Variants in ENO4 observed in about 807,000 individuals in gnomAD.
The protein encoded by ENO4 is 2-phospho-D-glycerate hydro-lyase.
Under a neutral mutation model 63.2 loss-of-function variants are expected in ENO4, and 53 were observed. That is an observed-to-expected ratio of 0.84 (90% confidence interval 0.67 to 1.05). The LOEUF is 1.05. ENO4 is among the 50% of genes least tolerant of loss of function. The pLI, the probability that ENO4 is intolerant of heterozygous loss-of-function variation, is 0.00. For synonymous variants in ENO4, 266 were observed against 283.8 expected, an observed-to-expected ratio of 0.94 and a Z score of 0.63; for missense variants, 719 against 772.0, an observed-to-expected ratio of 0.93 and a Z score of 0.81.
chr10:116,888,956 T>C (rs920125006), intron 10 of ENO4, among the ~76,000 whole-genome samples: 18 of 152,238 alleles, frequency 1.2e-4, no homozygotes, highest in African/African-American at 4.1e-4. Flanking sequence ...AGTCTGCAGA[T>C]TGAGTCACCA....
Position 116,881,160 on chromosome 10 carries a change from T to C in ENO4, c.1724-355T>C, listed in dbSNP as rs1473393154. On this transcript the variant is annotated intron_variant, in intron 13 of 13. Coordinates refer to ENST00000341276, the MANE Select transcript of ENO4 (RefSeq NM_001242699.2). ...TGGAATGGTCCTCGCCTGCCATCAT[T>C]TCCCTGGGAGCAGTCAGCTGGCAGT... Among the ~76,000 whole-genome samples the C allele has an allele frequency of 5.3e-5, 8 of 152,214 alleles. No individual in the cohort carries two copies. In the South Asian group the frequency reaches 1.7e-3, roughly 32 times the overall value.
chr10:116,861,019 ACC>A (rs1365037778), intron 5 of ENO4, 38 bp from the exon 6 acceptor site: 2 of 1,538,452 alleles, frequency 1.3e-6, no homozygotes, highest in South Asian at 2.4e-5. Flanking sequence ...ATATGGATGA[ACC>A]CTGTTTCTCA....
intron 8 of ENO4, 96 bp downstream of exon 8, chr10:116,868,802 C>T (rs1846612846): frequency 7.1e-6 from 8 of 1,125,950 alleles, no homozygotes; most frequent in African/African-American, 3.1e-5. Context: ...GCTCCAAGAC[C>T]AGGACTGAGG....
chr10:116,876,406 G>A, intron 11 of ENO4, 146 bp downstream of exon 11: 1 of 726,674 alleles, frequency 1.4e-6, no homozygotes, highest in South Asian at 2.1e-5. Flanking sequence ...ATTTAGTGCT[G>A]GAACACAAAA....
intron 10 of ENO4, 132 bp downstream of exon 10, chr10:116,874,333 A>C (rs370803577): frequency 2.8e-5 from 25 of 906,612 alleles, no homozygotes; most frequent in Middle Eastern, 3.4e-4. Flanking sequence ...ATTCTTTTGG[A>C]TCGTTGTCAT....
Position 116,881,848 on chromosome 10 carries a change from T to C in ENO4, c.*179T>C. The C allele has an allele frequency of 6.2e-6, 3 of 481,322 alleles. No individual in the cohort carries two copies. The South Asian group carries it at 2.7e-4, about 43-fold the overall frequency. The allele number at this position is 481,322 out of a possible 1,614,324, so 29.8% of individuals were successfully genotyped here. On this transcript the variant is annotated 3_prime_UTR_variant, in exon 14 of 14. Coordinates refer to ENST00000341276, the MANE Select transcript of ENO4 (RefSeq NM_001242699.2). The stretch of plus-strand genomic sequence containing the variant: ...TATATGATGTTTTTGCCTGAAATTC[T>C]GTGAACTTCGTTTTGCAGCCACCAC...
chr10:116,861,906 AG>A (rs1325247538), intron 6 of ENO4, among the ~76,000 whole-genome samples: 3 of 152,196 alleles, frequency 2.0e-5, no homozygotes, highest in Non-Finnish European at 4.4e-5. Context: ...ACAGTTTATC[AG>A]TTGCAGAAGA....
At position 116,868,706 on chromosome 10, in the gene ENO4, AG is replaced by A. The variant is rs1353585227; in HGVS notation, c.1047+1del. The A allele has an allele frequency of 3.2e-6, 5 of 1,549,758 alleles. No homozygotes were observed. The highest frequency in any genetic ancestry group is 8.7e-7 in the Non-Finnish European group (1 of 1,146,340). On this transcript the variant is annotated splice_donor_variant, in intron 8 of 13. Coordinates refer to ENST00000341276, the MANE Select transcript of ENO4 (RefSeq NM_001242699.2). LOFTEE classifies it high-confidence loss of function. ...GGCACGATGGAAGCAAAAGAGGTCA[AG>A]TAAGTCTATATATTGTTTACCATCC...
intron 10 of ENO4, chr10:116,900,534 A>G: frequency 6.5e-7 from 1 of 1,533,032 alleles, no homozygotes; most frequent in Non-Finnish European, 8.7e-7. Flanking sequence ...TTTCTGATTC[A>G]GATTATCTGT....
chr10:116,863,121 G>A (rs566731801), intron 7 of ENO4, among the ~76,000 whole-genome samples: 1 of 152,364 alleles, frequency 6.6e-6, no homozygotes, highest in South Asian at 2.1e-4. Context: ...AAGAAAGGAT[G>A]TGGCCCCCAC....
At chr10:116,907,947 TA>T (rs1402025509) in intron 10 of ENO4, 1 of 514,844 alleles carries the variant, frequency 1.9e-6, no homozygotes, top group African/African-American at 1.9e-5. Flanking sequence ...TTCTACTGGC[TA>T]AAAATGGTTG....
At chr10:116,875,561 T>TCACACACACACACACACACACACACACA (rs56000218) in intron 10 of ENO4, among the ~76,000 whole-genome samples, 45 of 148,012 alleles carry the variant, frequency 3.0e-4, no homozygotes, top group African/African-American at 1.1e-3. Flanking sequence ...TCCAGGCTGG[T>TCACACACACACACACACACACACACACA]CACACACACA....
At chr10:116,885,146 A>T (rs1462224511), downstream of ENO4, 2 of 152,658 alleles carry the variant, frequency 1.3e-5, no homozygotes, top group Non-Finnish European at 1.5e-5. Flanking sequence ...CAACTACTGC[A>T]ATTATTACTA....
chr10:116,854,645 T>A (rs140330235), intron 1 of ENO4, among the ~76,000 whole-genome samples: 1 of 151,058 alleles, frequency 6.6e-6, no homozygotes, highest in Non-Finnish European at 1.5e-5. Flanking sequence ...TTGGTTTCTG[T>A]ATCTTGAAAC....
chr10:116,910,771 A>G (rs1419832), intron 10 of ENO4, among the ~76,000 whole-genome samples: 90,652 of 152,072 alleles, frequency 0.6, 29,991 homozygotes, highest in Non-Finnish European at 0.74. Flanking sequence ...CAAAGAATCT[A>G]TTAGATAATC....
At position 116,879,850 on chromosome 10, in the gene ENO4, G is replaced by GT. The variant is rs758455659; in HGVS notation, c.1606-13dup. The GT allele has an allele frequency of 7.1e-6, 11 of 1,542,202 alleles. No homozygotes were observed. The highest frequency in any genetic ancestry group is 2.0e-5 in the Admixed American group (1 of 50,196). ...GACATGGCTCCTCCGTCTAAAATTAGTTTTTTCCCCCCTTTCAGGCTGTTG... is the reference window on the plus strand; with the variant it reads ...GACATGGCTCCTCCGTCTAAAATTAGTTTTTTTCCCCCCTTTCAGGCTGTTG... On this transcript the variant is annotated intron_variant, in intron 12 of 13. Coordinates refer to ENST00000341276, the MANE Select transcript of ENO4 (RefSeq NM_001242699.2).
chr10:116,873,011 T>C (rs946997548), intron 9 of ENO4, among the ~76,000 whole-genome samples: 1 of 152,198 alleles, frequency 6.6e-6, no homozygotes, highest in African/African-American at 2.4e-5. Context: ...CAGCAACGTA[T>C]ACCAGGAACT....
intron 10 of ENO4, among the ~76,000 whole-genome samples, chr10:116,891,629 T>A (rs1847345096): frequency 6.6e-6 from 1 of 152,210 alleles, no homozygotes; most frequent in East Asian, 1.9e-4. Context: ...TCCAAGCCCT[T>A]TATACAGTTA....
chr10:116,856,611 C>T lies in ENO4; in HGVS notation c.414C>T (p.Val138=), dbSNP rs935676494. The part of the protein sequence containing the change: ...ASAVSTAVQW[V]NSTITHELQG... ...CGGTGAGCACCGCCGTGCAGTGGGT[C>T]AACAGCACCATCACGCACGAGCTCC... The change falls in exon 3 of 14, where the codon GTC becomes GTT. Residue 138 remains valine, a synonymous_variant. Coordinates refer to ENST00000341276, the MANE Select transcript of ENO4 (RefSeq NM_001242699.2). 6 of 1,536,032 alleles carry T rather than the reference C, an allele frequency of 3.9e-6. No homozygotes were observed. The African/African-American group carries it at 6.8e-5, about 18-fold the overall frequency.
Sources: gnomAD v4.1 joint callset for allele counts (sites outside exome capture counted in the v4.1 genomes callset) on GRCh38, gnomAD v4.1.1 for gene constraint, MANE v1.5 for transcripts, NCBI Gene and HGNC (gene_info 2026-07-23, HGNC 2026-07-21) for gene names.